Variants in ZNF280D observed in about 807,000 individuals in gnomAD.
The protein encoded by ZNF280D is zinc finger protein 280D, also known as suppressor of hairy wing homolog 4.
In ZNF280D, 39 loss-of-function variants were observed where a neutral mutation model predicts 94.7. That is an observed-to-expected ratio of 0.41 (90% CI 0.32 to 0.54). The LOEUF (loss-of-function observed/expected upper bound fraction) is 0.54. ZNF280D is among the 20% of genes least tolerant of loss of function. The pLI is 0.22. For missense variants in ZNF280D, 1,090 were observed against 1,149.3 expected, an observed-to-expected ratio of 0.95 and a Z score of 0.75; for synonymous variants, 398 against 377.6, an observed-to-expected ratio of 1.05 and a Z score of -0.63.
intron 19 of ZNF280D, among the ~76,000 whole-genome samples, chr15:56,649,715 A>G (rs1051482839): frequency 1.3e-5 from 2 of 152,094 alleles, no homozygotes; most frequent in Admixed American, 6.6e-5. Context: ...AGAGCCAATA[A>G]TTCCTCCAAG....
intron 1 of ZNF280D, among the ~76,000 whole-genome samples, chr15:56,721,921 C>T (rs1431687633): frequency 1.3e-5 from 2 of 152,218 alleles, no homozygotes; most frequent in Non-Finnish European, 2.9e-5. Flanking sequence ...TGGCCTACCT[C>T]TGCTTTCAAC....
chr15:56,649,120 C>A (rs888576167), intron 19 of ZNF280D, among the ~76,000 whole-genome samples: 9 of 151,914 alleles, frequency 5.9e-5, no homozygotes, highest in Admixed American at 5.3e-4. Context: ...AAAATAAGAC[C>A]ATCAATGTAG....
At chr15:56,641,756 C>G (rs1158397932) in intron 20 of ZNF280D, among the ~76,000 whole-genome samples, 1 of 151,480 alleles carries the variant, frequency 6.6e-6, no homozygotes, top group Non-Finnish European at 1.5e-5. Context: ...AACATTTGCT[C>G]CATTATATCC....
chr15:56,632,003 G>A lies in ZNF280D; in HGVS notation c.2435C>T (p.Thr812Ile), dbSNP rs2052097930. Residue 812 changes from threonine to isoleucine, a missense_variant, in exon 22 of 22, where the codon ACC becomes ATC. Around this residue, in one of 3 missense-constraint regions of ZNF280D, gnomAD observed 577 missense variants for 568.8 expected, o/e 1.01. Transcript: ENST00000267807. ...SITVSDKENE[T>I]CLADQETGSK... ...GCCAGTTTCCTGGTCTGCAAGACAG[G>A]TTTCATTTTCCTTATCTGAAACTGT... 6.2e-7 allele frequency: 1 copy of A among 1,613,928 alleles called. No individual in the cohort carries two copies. The highest frequency in any genetic ancestry group is 8.5e-7 in the Non-Finnish European group (1 of 1,179,980).
chr15:56,636,485 A>AT (rs71113011), intron 20 of ZNF280D, among the ~76,000 whole-genome samples: 67,207 of 130,210 alleles, frequency 0.52, 18,244 homozygotes, highest in East Asian at 0.61. Flanking sequence ...CTTCCTTCCT[A>AT]TTTTTTTTTT....
intron 9 of ZNF280D, among the ~76,000 whole-genome samples, chr15:56,684,684 T>C (rs1172965048): frequency 6.8e-6 from 1 of 147,522 alleles, no homozygotes; most frequent in Admixed American, 6.7e-5. Flanking sequence ...ACATTGCAAA[T>C]AAAATAAAGG....
intron 13 of ZNF280D, among the ~76,000 whole-genome samples, chr15:56,675,438 T>C (rs1304264259): frequency 6.6e-6 from 1 of 152,172 alleles, no homozygotes; most frequent in Admixed American, 6.6e-5. Context: ...AGATACTTTT[T>C]TTTTTTTATA....
intron 4 of ZNF280D, 70 bp from the exon 5 acceptor site, chr15:56,701,308 T>C (rs993062429): frequency 3.7e-5 from 41 of 1,105,612 alleles, no homozygotes; most frequent in Non-Finnish European, 5.2e-5. Context: ...ATAGAAATCA[T>C]GAATTGAAAA....
chr15:56,726,223 A>C (rs1250428944), intron 1 of ZNF280D, among the ~76,000 whole-genome samples: 4 of 151,606 alleles, frequency 2.6e-5, no homozygotes, highest in African/African-American at 9.7e-5. Context: ...AAAAAAAAAA[A>C]CCTATTATGG....
intron 15 of ZNF280D, 44 bp downstream of exon 15, chr15:56,666,635 T>C (rs767065332): frequency 7.2e-6 from 11 of 1,518,908 alleles, no homozygotes; most frequent in South Asian, 2.5e-5. Flanking sequence ...TAAGTTTTTA[T>C]ACTTAAGTTT....
chr15:56,720,783 C>T (rs1405233341), intron 1 of ZNF280D, among the ~76,000 whole-genome samples: 1 of 152,046 alleles, frequency 6.6e-6, no homozygotes, highest in African/African-American at 2.4e-5. Flanking sequence ...GATGCACTAT[C>T]AATGAGCAGT....
intron 1 of ZNF280D, among the ~76,000 whole-genome samples, chr15:56,723,797 A>G (rs2141436400): frequency 6.6e-6 from 1 of 152,326 alleles, no homozygotes; most frequent in South Asian, 2.1e-4. Context: ...CACTTTATAT[A>G]GTTGCTCTTC....
intron 21 of ZNF280D, among the ~76,000 whole-genome samples, chr15:56,633,729 T>TG (rs2052206893): frequency 1.3e-5 from 2 of 152,014 alleles, no homozygotes; most frequent in Non-Finnish European, 2.9e-5. Context: ...GACCTCGTGA[T>TG]CCACCCACCT....
Position 56,631,910 on chromosome 15 carries a change from T to C in ZNF280D, c.2528A>G (p.Gln843Arg), listed in dbSNP as rs1596310073. Residue 843 changes from glutamine (Q) to arginine (R), a missense_variant, in exon 22 of 22, where the codon CAA becomes CGA. Physicochemically the swap from Gln to Arg is conservative, Grantham distance 43. Coordinates refer to ENST00000267807, the MANE Select transcript of ZNF280D (RefSeq NM_017661.4). ...ADKVEKKKQIQHVCQEMELKM... is the reference protein window; with the variant it reads ...ADKVEKKKQIRHVCQEMELKM... ...CAACTCCATTTCCTGACAAACGTGTTGTATTTGTTTTTTCTTTTCCACTTT... is the reference window on the plus strand; with the variant it reads ...CAACTCCATTTCCTGACAAACGTGTCGTATTTGTTTTTTCTTTTCCACTTT... 6.2e-7 allele frequency: 1 copy of C among 1,613,804 alleles called. No individual in the cohort carries two copies. The highest frequency in any genetic ancestry group is 8.5e-7 in the Non-Finnish European group (1 of 1,180,006).
chr15:56,715,976 G>T (rs2058022363), intron 1 of ZNF280D, among the ~76,000 whole-genome samples: 2 of 152,040 alleles, frequency 1.3e-5, no homozygotes, highest in South Asian at 4.1e-4. Flanking sequence ...TTTGTATTAG[G>T]TATCATAAGT....
chr15:56,707,242 A>C (rs2057463821), intron 2 of ZNF280D, 21 bp downstream of exon 2: 1 of 1,567,532 alleles, frequency 6.4e-7, no homozygotes, highest in Admixed American at 1.8e-5. Context: ...TATTGGATGT[A>C]AGGTTAACCT....
chr15:56,701,610 A>G (rs769643729), intron 4 of ZNF280D, among the ~76,000 whole-genome samples: 1 of 152,134 alleles, frequency 6.6e-6, no homozygotes, highest in African/African-American at 2.4e-5. Flanking sequence ...ATTTAAATGT[A>G]TATCTTTCTT....
intron 19 of ZNF280D, among the ~76,000 whole-genome samples, chr15:56,651,360 G>A (rs1327623666): frequency 3.3e-5 from 5 of 152,130 alleles, no homozygotes; most frequent in African/African-American, 4.8e-5. Flanking sequence ...TAAAATGATG[G>A]TAAGGAGGGA....
At position 56,654,451 on chromosome 15, in the gene ZNF280D, A is replaced by T. The variant is rs1250451516; in HGVS notation, c.2110T>A (p.Leu704Ile). ...NCDFLSDVSG[L>I]DNMATHLSQH... is the part of the protein sequence containing the mutation. ...CTTAAGTGTGTAGCCATATTATCTA[A>T]GCCAGAAACATCACTTAGGAAATCA... Residue 704 changes from leucine to isoleucine, a missense_variant, in exon 18 of 22, where the codon TTA becomes ATA. Physicochemically the swap from Leu to Ile is conservative, Grantham distance 5. Around this residue, in one of 3 missense-constraint regions of ZNF280D, gnomAD observed 577 missense variants for 568.8 expected, o/e 1.01. Transcript: ENST00000267807. 5 of 1,611,054 alleles carry T rather than the reference A, an allele frequency of 3.1e-6. No homozygotes were observed. The African/African-American group carries it at 6.7e-5, about 22-fold the overall frequency.
Sources: allele counts gnomAD v4.1 joint callset (sites outside exome capture counted in the v4.1 genomes callset), GRCh38; gene constraint gnomAD v4.1.1; regional missense constraint gnomAD v4.1.1; transcripts MANE v1.5; gene names NCBI Gene and HGNC (gene_info 2026-07-23, HGNC 2026-07-21).